Variants in VAT1L observed in about 807,000 individuals in gnomAD.
VAT1L encodes vesicle amine transport 1 like.
In VAT1L, 34 loss-of-function variants were observed where a neutral mutation model predicts 44.1. The ratio of observed to expected loss-of-function variants is 0.77; its 90% CI spans 0.59 to 1.03. VAT1L has a LOEUF of 1.03. Among genes scored for constraint, VAT1L ranks in the 50% least tolerant of loss-of-function variants. The pLI is 0.00. For missense variants in VAT1L, 615 were observed against 538.8 expected, an observed-to-expected ratio of 1.14 and a Z score of -1.40; for synonymous variants, 253 against 202.2, an observed-to-expected ratio of 1.25 and a Z score of -2.13.
intron 4 of VAT1L, among the ~76,000 whole-genome samples, chr16:77,872,540 G>A (rs1383684115): frequency 6.6e-6 from 1 of 152,112 alleles, no homozygotes; most frequent in East Asian, 1.9e-4. Flanking sequence ...GAGTCCGTGT[G>A]GTCCAACTCC....
chr16:77,828,347 G>A (rs1339030097), intron 3 of VAT1L, among the ~76,000 whole-genome samples: 2 of 152,236 alleles, frequency 1.3e-5, no homozygotes, highest in Non-Finnish European at 2.9e-5. Context: ...GGATGACCCA[G>A]TGTCATCACA....
At chr16:77,840,931 A>T (rs1316608018) in intron 3 of VAT1L, among the ~76,000 whole-genome samples, 1 of 152,236 alleles carries the variant, frequency 6.6e-6, no homozygotes, top group Non-Finnish European at 1.5e-5. Context: ...GAAGGCAAAT[A>T]TTCAAATTAC....
At chr16:77,977,144 C>T (rs561130696) in intron 8 of VAT1L, among the ~76,000 whole-genome samples, 3 of 152,208 alleles carry the variant, frequency 2.0e-5, no homozygotes, top group African/African-American at 4.8e-5. Context: ...ACAGAAACTG[C>T]GTGGGGTGCA....
chr16:77,929,001 G>A (rs1185815248), intron 7 of VAT1L, among the ~76,000 whole-genome samples: 3 of 152,154 alleles, frequency 2.0e-5, no homozygotes, highest in Non-Finnish European at 4.4e-5. Context: ...ATTTTTAGTA[G>A]AGATGGGGTT....
At chr16:77,923,103 T>C (rs2017629618) in intron 7 of VAT1L, among the ~76,000 whole-genome samples, 1 of 152,148 alleles carries the variant, frequency 6.6e-6, no homozygotes, top group Admixed American at 6.5e-5. Context: ...CCCTGCAACC[T>C]GTGTGACCCC....
At chr16:77,911,438 C>T (rs2017498761) in intron 7 of VAT1L, among the ~76,000 whole-genome samples, 1 of 152,110 alleles carries the variant, frequency 6.6e-6, no homozygotes, top group African/African-American at 2.4e-5. Flanking sequence ...AAAAACAGGC[C>T]CCTGCCCAAG....
At chr16:77,912,959 T>A (rs1477811415) in intron 7 of VAT1L, among the ~76,000 whole-genome samples, 1 of 152,106 alleles carries the variant, frequency 6.6e-6, no homozygotes, top group Non-Finnish European at 1.5e-5. Context: ...CTCGAAGGCT[T>A]CATCCTCATT....
intron 1 of VAT1L, among the ~76,000 whole-genome samples, chr16:77,815,738 G>T (rs932225632): frequency 1.3e-5 from 2 of 151,802 alleles, no homozygotes; most frequent in African/African-American, 4.8e-5. Flanking sequence ...GGAGACCAAG[G>T]TGGGCGGATC....
chr16:77,961,754 G>C (rs2018162620), intron 7 of VAT1L, among the ~76,000 whole-genome samples: 1 of 152,132 alleles, frequency 6.6e-6, no homozygotes, highest in African/African-American at 2.4e-5. Flanking sequence ...TAATGGAAAA[G>C]CCTGGGCTTG....
At chr16:77,961,739 A>T (rs2018162458) in intron 7 of VAT1L, among the ~76,000 whole-genome samples, 1 of 152,138 alleles carries the variant, frequency 6.6e-6, no homozygotes, top group Non-Finnish European at 1.5e-5. Flanking sequence ...AGAGGAAACC[A>T]GGTCTAATGG....
At chr16:77,940,278 C>G (rs2017863667) in intron 7 of VAT1L, among the ~76,000 whole-genome samples, 2 of 151,844 alleles carry the variant, frequency 1.3e-5, no homozygotes, top group Admixed American at 6.6e-5. Context: ...TTACTGTATT[C>G]CTGAAAATGT....
chr16:77,951,345 G>C (rs2018040105), intron 7 of VAT1L, among the ~76,000 whole-genome samples: 1 of 151,808 alleles, frequency 6.6e-6, no homozygotes, highest in Admixed American at 6.6e-5. Flanking sequence ...CAGGAGCTTG[G>C]GACCAGCCTG....
intron 2 of VAT1L, among the ~76,000 whole-genome samples, chr16:77,824,862 CTTTTT>C (rs756573336): frequency 1.3e-5 from 1 of 75,456 alleles, no homozygotes. Context: ...CCCAATAATG[CTTTTT>C]TTTTTTTTTT....
intron 7 of VAT1L, among the ~76,000 whole-genome samples, chr16:77,900,020 G>T (rs2017363780): frequency 6.6e-6 from 1 of 152,232 alleles, no homozygotes; most frequent in Admixed American, 6.5e-5. Context: ...TTTGCTGGAA[G>T]TGCAGAGGTG....
chr16:77,928,636 G>A (rs1023709532), intron 7 of VAT1L, among the ~76,000 whole-genome samples: 12 of 152,180 alleles, frequency 7.9e-5, no homozygotes, highest in African/African-American at 2.9e-4. Flanking sequence ...CTGTAATCAA[G>A]GAAATAAGAT....
intron 3 of VAT1L, among the ~76,000 whole-genome samples, chr16:77,853,899 G>C (rs562734220): frequency 2.0e-5 from 3 of 152,098 alleles, no homozygotes; most frequent in Non-Finnish European, 4.4e-5. Context: ...CTAGCACTTT[G>C]GGAGGCCAAG....
chr16:77,869,966 G>T (rs1567493051), intron 4 of VAT1L, among the ~76,000 whole-genome samples: 2 of 152,142 alleles, frequency 1.3e-5, no homozygotes, highest in Admixed American at 6.5e-5. Flanking sequence ...CATAATAGGA[G>T]CTTATTTTAA....
At chr16:77,854,282 C>A (rs773043865) in intron 3 of VAT1L, among the ~76,000 whole-genome samples, 1 of 152,188 alleles carries the variant, frequency 6.6e-6, no homozygotes, top group African/African-American at 2.4e-5. Context: ...TGTCACAGCG[C>A]ATATCACGTG....
rs201977220 is a variant in VAT1L, at chr16:77,962,582, TCCTATAAG to T, written c.1078-9267_1078-9260del. 3.7e-5 allele frequency among the ~76,000 whole-genome samples: 5 copies of T among 133,658 alleles called. No individual in the cohort carries two copies. In the East Asian group the frequency reaches 1.1e-3, roughly 30 times the overall value. The allele number at this position is 133,658 out of a possible 152,430, so 87.7% of individuals were successfully genotyped here. A position where few individuals can be genotyped will look rare whatever the true frequency, so the allele number is the denominator to read the frequency against. ...TATCATAGGCGGGACCATCCTATAA[TCCTATAAG>T]GAAAGAAATAGGCCGGGAGCAGTGG... On this transcript the variant is annotated intron_variant, in intron 7 of 8. Transcript: ENST00000302536.
Sources: gnomAD v4.1 joint callset for allele counts (sites outside exome capture counted in the v4.1 genomes callset) on GRCh38, gnomAD v4.1.1 for gene constraint, MANE v1.5 for transcripts, NCBI Gene and HGNC (gene_info 2026-07-23, HGNC 2026-07-21) for gene names.